The following XIRP2 variants were observed in gnomAD, a reference collection of about 807,000 sequenced individuals.
XIRP2 encodes the protein xin actin-binding repeat-containing protein 2.
In XIRP2, 236 loss-of-function variants were observed where a neutral mutation model predicts 277.0. The observed-to-expected ratio is 0.85, with a 90% CI of 0.77 to 0.95. XIRP2 has a LOEUF of 0.95. Among genes scored for constraint, XIRP2 ranks in the 40% least tolerant of loss-of-function variants. The probability of loss-of-function intolerance (pLI) is 0.00; values close to 1 mark genes in which losing one functional copy is unlikely to be tolerated. For missense variants in XIRP2, 4,640 were observed against 4,157.5 expected (o/e 1.12, Z -3.19); for synonymous variants, 1,490 against 1,416.5 (o/e 1.05, Z -1.17).
intron 2 of XIRP2, among the ~76,000 whole-genome samples, chr2:167,031,018 C>CT (rs35008535): frequency 0.3 from 43,435 of 144,056 alleles, 7,718 homozygotes; most frequent in African/African-American, 0.49. Context: ...GCAAGCTTTG[C>CT]TTTTTTTTTT....
intron 2 of XIRP2, among the ~76,000 whole-genome samples, chr2:166,939,302 C>G (rs1685621617): frequency 6.6e-6 from 1 of 152,104 alleles, no homozygotes; most frequent in Admixed American, 6.5e-5. Context: ...GACAAAATCT[C>G]TCAGCATTTG....
rs551954957 is a variant in XIRP2 at position 167,062,166 on chromosome 2, G to A, written c.409-73743G>A. ...ACGTTAAGCCTGTGGTATGTCAATT[G>A]TGTGCATCTTTTCCAACTCTGCGTT... is the stretch of plus-strand genomic sequence containing the variant. On this transcript the variant is annotated intron_variant, in intron 2 of 10. Coordinates refer to ENST00000409195, the MANE Select transcript of XIRP2 (RefSeq NM_152381.6). Among the ~76,000 whole-genome samples, 4 of 152,242 alleles carry A rather than the reference G, an allele frequency of 2.6e-5. No individual in the cohort carries two copies. In the East Asian group the frequency reaches 7.7e-4, roughly 29 times the overall value.
intron 2 of XIRP2, among the ~76,000 whole-genome samples, chr2:167,126,897 C>T (rs1259673469): frequency 2.0e-5 from 3 of 152,168 alleles, no homozygotes; most frequent in Admixed American, 2.0e-4. Flanking sequence ...TATAATACAA[C>T]TAAAGTGCTT....
chr2:167,148,023 C>T (rs564417739), intron 3 of XIRP2, among the ~76,000 whole-genome samples: 1 of 151,948 alleles, frequency 6.6e-6, no homozygotes, highest in South Asian at 2.1e-4. Flanking sequence ...TTAAAAAATA[C>T]AAATAGAGTG....
intron 2 of XIRP2, among the ~76,000 whole-genome samples, chr2:166,965,584 T>G (rs1268077641): frequency 6.6e-6 from 1 of 151,826 alleles, no homozygotes; most frequent in Non-Finnish European, 1.5e-5. Context: ...GTTTGTTGTT[T>G]GTTTGTTTAT....
At chr2:167,169,116 G>A (rs548266266) in intron 3 of XIRP2, among the ~76,000 whole-genome samples, 1 of 152,258 alleles carries the variant, frequency 6.6e-6, no homozygotes, top group Admixed American at 6.5e-5. Context: ...GTAAGGTGTT[G>A]GGGGAGAGGA....
At chr2:167,185,858 A>T (rs1481350267) in intron 3 of XIRP2, among the ~76,000 whole-genome samples, 1 of 152,164 alleles carries the variant, frequency 6.6e-6, no homozygotes, top group Non-Finnish European at 1.5e-5. Context: ...CATAACACCA[A>T]TGGAAGGTTG....
chr2:167,131,157 A>G (rs752368574), intron 2 of XIRP2, among the ~76,000 whole-genome samples: 4 of 152,008 alleles, frequency 2.6e-5, no homozygotes, highest in Non-Finnish European at 5.9e-5. Flanking sequence ...TTATATCTAC[A>G]TTAATTTGAC....
chr2:166,948,011 G>T (rs982124595), intron 2 of XIRP2, among the ~76,000 whole-genome samples: 3 of 152,248 alleles, frequency 2.0e-5, no homozygotes, highest in African/African-American at 7.2e-5. Context: ...TCTGGAAAGA[G>T]CAAAATTATG....
In XIRP2 at chr2:167,248,797, A is replaced by G; in HGVS notation, c.7405A>G (p.Met2469Val). Residue 2469 changes from methionine to valine, a missense_variant, in exon 9 of 11, where the codon ATG (methionine) becomes GTG (valine). Transcript: ENST00000409195. The part of the protein sequence containing the change: ...TSKDQKKVMV[M>V]TSSEHTETKQ... ...AAAGGATCAGAAAAAAGTAATGGTG[A>G]TGACCAGCAGTGAACACACGGAGAC... is the stretch of plus-strand genomic sequence containing the variant. The G allele has an allele frequency of 6.8e-6, 11 of 1,613,768 alleles. No homozygotes were observed. The highest frequency in any genetic ancestry group is 9.3e-6 in the Non-Finnish European group (11 of 1,179,808).
chr2:167,106,998 A>G (rs1304365818), intron 2 of XIRP2, among the ~76,000 whole-genome samples: 1 of 151,278 alleles, frequency 6.6e-6, no homozygotes, highest in Non-Finnish European at 1.5e-5. Flanking sequence ...CAATAATTTT[A>G]TATTTATAAT....
chr2:167,173,501 A>G (rs1692754813), intron 3 of XIRP2, among the ~76,000 whole-genome samples: 1 of 152,228 alleles, frequency 6.6e-6, no homozygotes, highest in East Asian at 1.9e-4. Context: ...ATTGTGTATA[A>G]GCACCACATT....
chr2:167,049,303 T>C (rs766422196), intron 2 of XIRP2, among the ~76,000 whole-genome samples: 1 of 151,966 alleles, frequency 6.6e-6, no homozygotes, highest in Non-Finnish European at 1.5e-5. Flanking sequence ...TTGCTTTTAT[T>C]TTAAAATTTT....
Position 167,258,406 on chromosome 2 carries a change from A to C in XIRP2, c.*589A>C. The C allele has an allele frequency of 6.2e-7, 1 of 1,613,382 alleles. No individual in the cohort carries two copies. The highest frequency in any genetic ancestry group is 8.5e-7 in the Non-Finnish European group (1 of 1,179,630). The stretch of plus-strand genomic sequence containing the variant: ...AAGAGGATGTTATAGGAATCAAAGA[A>C]ATGAAAATGCCTGAAGGAAGAAAAG... On this transcript the variant is annotated 3_prime_UTR_variant, in exon 11 of 11. Coordinates refer to ENST00000409195, the MANE Select transcript of XIRP2 (RefSeq NM_152381.6).
chr2:167,252,904 G>C (rs1423423135), intron 9 of XIRP2, among the ~76,000 whole-genome samples: 1 of 151,890 alleles, frequency 6.6e-6, no homozygotes, highest in Non-Finnish European at 1.5e-5. Flanking sequence ...TAATGTGCTT[G>C]CTTCTGGCAT....
At chr2:167,077,049 G>A (rs1217132941) in intron 2 of XIRP2, among the ~76,000 whole-genome samples, 4 of 151,980 alleles carry the variant, frequency 2.6e-5, no homozygotes, top group East Asian at 1.9e-4. Context: ...ATGGGGTCTC[G>A]CTATGTTGCC....
At chr2:167,158,569 T>G (rs2105338266) in intron 3 of XIRP2, among the ~76,000 whole-genome samples, 1 of 152,304 alleles carries the variant, frequency 6.6e-6, no homozygotes, top group South Asian at 2.1e-4. Context: ...ACCATGTAAC[T>G]TACATTTCTA....
At chr2:167,239,481 A>T (rs1694990850) in intron 5 of XIRP2, among the ~76,000 whole-genome samples, 1 of 152,218 alleles carries the variant, frequency 6.6e-6, no homozygotes, top group Non-Finnish European at 1.5e-5. Flanking sequence ...TGTCAGTTAG[A>T]TGGCAGTGTG....
chr2:167,020,955 G>A (rs75240974), intron 2 of XIRP2, among the ~76,000 whole-genome samples: 4,594 of 152,006 alleles, frequency 0.03, 79 homozygotes, highest in East Asian at 0.081. Flanking sequence ...AGTGGTCTTC[G>A]AAATTTATTT....
Sources: gnomAD v4.1 joint callset for allele counts (sites outside exome capture counted in the v4.1 genomes callset) on GRCh38, gnomAD v4.1.1 for gene constraint, MANE v1.5 for transcripts, NCBI Gene and HGNC (gene_info 2026-07-23, HGNC 2026-07-21) for gene names.